Variants in SAMMSON observed in about 807,000 individuals in gnomAD.
SAMMSON encodes the protein long intergenic non-protein coding RNA 1212.
chr3:70,392,297 A>G (rs1406851124), downstream of SAMMSON, among the ~76,000 whole-genome samples: 1 of 152,108 alleles, frequency 6.6e-6, no homozygotes, highest in Non-Finnish European at 1.5e-5. Context: ...CCAGGAAGTA[A>G]GCACTATTTT....
intron 6 of SAMMSON, among the ~76,000 whole-genome samples, chr3:70,254,248 T>G (rs1315199551): frequency 1.3e-5 from 2 of 152,206 alleles, no homozygotes; most frequent in African/African-American, 4.8e-5. Context: ...CTGTTAAGTT[T>G]AATGGATAAA....
intron 3 of SAMMSON, among the ~76,000 whole-genome samples, chr3:70,018,131 A>T (rs932743646): frequency 1.3e-5 from 2 of 152,100 alleles, no homozygotes; most frequent in Admixed American, 6.5e-5. Flanking sequence ...CTCTTTTTCT[A>T]TCAATTGGAA....
At chr3:70,072,433 ACT>A (rs2067233427) in intron 4 of SAMMSON, 1 of 151,640 alleles carries the variant, frequency 6.6e-6, no homozygotes, top group Admixed American at 6.6e-5. Context: ...TTCAAACAAC[ACT>A]TTTTTTCCCC....
At chr3:70,061,003 A>G (rs979858458) in intron 3 of SAMMSON, among the ~76,000 whole-genome samples, 2 of 152,074 alleles carry the variant, frequency 1.3e-5, no homozygotes, top group African/African-American at 4.8e-5. Context: ...GTGAGAGCTT[A>G]AACTGGAGAC....
At chr3:70,090,566 C>T (rs755208560) in intron 4 of SAMMSON, among the ~76,000 whole-genome samples, 32 of 152,094 alleles carry the variant, frequency 2.1e-4, no homozygotes, top group Non-Finnish European at 4.0e-4. Flanking sequence ...ATCGGGTTTT[C>T]GTTCTCTCTT....
At chr3:70,187,848 C>G (rs1701103620) in intron 4 of SAMMSON, among the ~76,000 whole-genome samples, 1 of 152,134 alleles carries the variant, frequency 6.6e-6, no homozygotes, top group Non-Finnish European at 1.5e-5. Flanking sequence ...AAAGGCAACT[C>G]TACCTCACTC....
intron 7 of SAMMSON, among the ~76,000 whole-genome samples, chr3:70,342,131 G>A (rs187491555): frequency 1.3e-5 from 2 of 152,278 alleles, no homozygotes; most frequent in East Asian, 1.9e-4. Context: ...GCCTTATTCT[G>A]TTTATACCAT....
At chr3:70,099,709 C>G (rs1342769288) in intron 4 of SAMMSON, among the ~76,000 whole-genome samples, 2 of 152,164 alleles carry the variant, frequency 1.3e-5, no homozygotes, top group East Asian at 3.9e-4. Context: ...TAAACATTCT[C>G]CATCTCCTAC....
chr3:70,006,185 G>C (rs934187139), intron 1 of SAMMSON, among the ~76,000 whole-genome samples: 1 of 152,050 alleles, frequency 6.6e-6, no homozygotes, highest in Non-Finnish European at 1.5e-5. Context: ...AGTGTCATTA[G>C]GCAAAAAAAG....
At position 70,252,838 on chromosome 3, in the gene SAMMSON, G is replaced by C. The variant is rs530917317; in HGVS notation, n.674+3168G>C. Among the ~76,000 whole-genome samples the C allele has an allele frequency of 2.0e-5, 3 of 152,282 alleles. No homozygotes were observed. In the South Asian group the frequency reaches 6.2e-4, roughly 32 times the overall value. On this transcript the variant is annotated intron_variant and non_coding_transcript_variant, in intron 6 of 9. Transcript: ENST00000642114. ...CTCATGCCTGTAATCCCAGCACTTT[G>C]GGAGGCTGAGGCAGGCAGATCACCT...
At chr3:70,218,565 T>A (rs879426659) in intron 4 of SAMMSON, among the ~76,000 whole-genome samples, 12 of 152,104 alleles carry the variant, frequency 7.9e-5, no homozygotes, top group Non-Finnish European at 1.8e-4. Flanking sequence ...GCTGCAGTAG[T>A]GGCCTGAGTA....
chr3:70,168,597 A>G (rs1181247448), intron 4 of SAMMSON, among the ~76,000 whole-genome samples: 4 of 152,038 alleles, frequency 2.6e-5, no homozygotes, highest in African/African-American at 9.7e-5. Context: ...ATTGAGATCA[A>G]TGAGCACAGA....
intron 6 of SAMMSON, among the ~76,000 whole-genome samples, chr3:70,264,775 G>A (rs1441279385): frequency 6.6e-6 from 1 of 152,204 alleles, no homozygotes; most frequent in Non-Finnish European, 1.5e-5. Context: ...TCATGATAGG[G>A]AAAATACAGG....
At chr3:70,028,816 C>T (rs924879757) in intron 3 of SAMMSON, among the ~76,000 whole-genome samples, 8 of 152,188 alleles carry the variant, frequency 5.3e-5, no homozygotes, top group African/African-American at 1.9e-4. Flanking sequence ...GTCATCCACG[C>T]AGTGGAGTTT....
intron 6 of SAMMSON, among the ~76,000 whole-genome samples, chr3:70,285,148 C>T (rs1702130608): frequency 6.6e-6 from 1 of 151,098 alleles, no homozygotes; most frequent in South Asian, 2.1e-4. Context: ...TGCTGGTGCA[C>T]TGCACCCACT....
At chr3:70,399,700 T>A (rs1016929237) in intron 2 of SAMMSON, among the ~76,000 whole-genome samples, 1 of 151,938 alleles carries the variant, frequency 6.6e-6, no homozygotes, top group Non-Finnish European at 1.5e-5. Context: ...ACCCCATCTC[T>A]ACTGAAAATA....
At chr3:70,118,001 T>G (rs140036110) in intron 4 of SAMMSON, among the ~76,000 whole-genome samples, 1,889 of 152,264 alleles carry the variant, frequency 0.012, 37 homozygotes, top group African/African-American at 0.043. Context: ...CACTGCAACC[T>G]CCACCTCCCG....
intron 1 of SAMMSON, among the ~76,000 whole-genome samples, chr3:70,010,844 G>A (rs534635897): frequency 1.3e-5 from 2 of 152,106 alleles, no homozygotes; most frequent in African/African-American, 2.4e-5. Flanking sequence ...GCTTTAGGAC[G>A]GAGTGAGTGC....
intron 4 of SAMMSON, among the ~76,000 whole-genome samples, chr3:70,135,533 G>T (rs1404541706): frequency 3.9e-5 from 6 of 152,030 alleles, no homozygotes; most frequent in Admixed American, 3.9e-4. Flanking sequence ...CAGACAATGG[G>T]CATTTTTGCA....
Sources: allele counts gnomAD v4.1 joint callset (sites outside exome capture counted in the v4.1 genomes callset), GRCh38; gene constraint gnomAD v4.1.1; transcripts MANE v1.5; gene names NCBI Gene and HGNC (gene_info 2026-07-23, HGNC 2026-07-21).